PCNX2: variants seen among roughly 807,000 people sequenced by gnomAD.
The protein encoded by PCNX2 is pecanex-like protein 2.
PCNX2 carries 168 observed loss-of-function variants against 223.8 expected under a neutral mutation model. That is an observed-to-expected ratio of 0.75 (90% CI 0.66 to 0.85). The LOEUF (loss-of-function observed/expected upper bound fraction) is 0.85. PCNX2 is among the 40% of genes least tolerant of loss of function. The pLI is 0.00. For synonymous variants in PCNX2, 1,006 were observed against 1,052.6 expected, an observed-to-expected ratio of 0.96 and a Z score of 0.86; for missense variants, 2,507 against 2,675.5, an observed-to-expected ratio of 0.94 and a Z score of 1.39.
Position 233,295,611 on chromosome 1 carries a change from C to T in PCNX2, c.-133G>A. On this transcript the variant is annotated 5_prime_UTR_variant, in exon 1 of 34. Coordinates refer to ENST00000258229, the MANE Select transcript of PCNX2 (RefSeq NM_014801.4). The surrounding 1 kb of genome is among the most constrained non-coding windows in gnomAD (Gnocchi z 4.1). ...GCCGTCGCCGCCGCCGTCGCCCCCG[C>T]CGCCTCCTTCCACCCCACGTTTGAA... The T allele has an allele frequency of 1.0e-6, 1 of 969,720 alleles. No homozygotes were observed. Among genetic ancestry groups the T allele is most frequent in the South Asian group, 3.9e-5 (1 of 25,656 alleles). The allele number at this position is 969,720 out of a possible 1,614,324, so 60.1% of individuals were successfully genotyped here.
At chr1:233,124,609 T>C (rs945597578) in intron 21 of PCNX2, among the ~76,000 whole-genome samples, 3 of 152,216 alleles carry the variant, frequency 2.0e-5, no homozygotes, top group Admixed American at 2.0e-4. Flanking sequence ...ACACTAAGAT[T>C]AATGGCACCA....
intron 21 of PCNX2, among the ~76,000 whole-genome samples, chr1:233,118,880 A>G (rs1180991215): frequency 1.3e-5 from 2 of 152,238 alleles, no homozygotes; most frequent in East Asian, 3.8e-4. Flanking sequence ...TAGGAAATGC[A>G]AAGTTAACTA....
At chr1:232,994,346 T>C (rs1251358592) in intron 32 of PCNX2, among the ~76,000 whole-genome samples, 1 of 152,260 alleles carries the variant, frequency 6.6e-6, no homozygotes, top group African/African-American at 2.4e-5. Context: ...ACTGACCAGC[T>C]GGGTGTTGGA....
intron 25 of PCNX2, among the ~76,000 whole-genome samples, chr1:233,027,201 A>G (rs1194037524): frequency 2.0e-5 from 3 of 152,226 alleles, no homozygotes; most frequent in African/African-American, 4.8e-5. Flanking sequence ...AGGTCAAATT[A>G]CATGAAGAAT....
At chr1:233,202,201 C>T (rs1572067444) in intron 13 of PCNX2, 1 of 411,582 alleles carries the variant, frequency 2.4e-6, no homozygotes, top group South Asian at 1.9e-5. Context: ...TTATTTTGTC[C>T]TTTTTTTTTT....
chr1:233,308,526 C>T, the PCNX2 span, among the ~76,000 whole-genome samples: 22 of 150,850 alleles, frequency 1.5e-4, no homozygotes, highest in Admixed American at 9.9e-4. Flanking sequence ...GTAAGAAGCC[C>T]CAAAATATTT....
chr1:233,187,705 G>C (rs1166953251), intron 15 of PCNX2, among the ~76,000 whole-genome samples: 2 of 152,050 alleles, frequency 1.3e-5, no homozygotes, highest in African/African-American at 2.4e-5. Context: ...TAGGTTTGAG[G>C]GTCAATTCTA....
chr1:233,163,463 G>A (rs1412942709), intron 17 of PCNX2, among the ~76,000 whole-genome samples: 1 of 151,950 alleles, frequency 6.6e-6, no homozygotes, highest in African/African-American at 2.4e-5. Flanking sequence ...TCCAGCCTGG[G>A]TGACAGAGCG....
chr1:233,061,398 G>A (rs1490016660), intron 23 of PCNX2, among the ~76,000 whole-genome samples: 4 of 152,278 alleles, frequency 2.6e-5, no homozygotes, highest in African/African-American at 4.8e-5. Context: ...CTGTCACCAC[G>A]CAGCTCAGAA....
intron 21 of PCNX2, chr1:233,113,108 C>T: frequency 2.1e-6 from 2 of 932,920 alleles, no homozygotes; most frequent in Admixed American, 2.5e-5. Context: ...ACGCAGTGAG[C>T]TGGCCAGTTG....
At chr1:233,179,402 T>C (rs1679668073) in intron 15 of PCNX2, among the ~76,000 whole-genome samples, 1 of 152,196 alleles carries the variant, frequency 6.6e-6, no homozygotes, top group South Asian at 2.1e-4. Context: ...TATACATACT[T>C]ATAAGAATAA....
intron 19 of PCNX2, among the ~76,000 whole-genome samples, chr1:233,146,908 CA>C (rs1677485698): frequency 6.6e-6 from 1 of 152,164 alleles, no homozygotes; most frequent in Non-Finnish European, 1.5e-5. Context: ...TTACAGTCTA[CA>C]AGGATTTACC....
At chr1:233,152,753 G>C (rs1571978545) in intron 19 of PCNX2, among the ~76,000 whole-genome samples, 1 of 152,310 alleles carries the variant, frequency 6.6e-6, no homozygotes, top group South Asian at 2.1e-4. Flanking sequence ...ACCCACCTCA[G>C]CCTCCCAAGG....
intron 21 of PCNX2, among the ~76,000 whole-genome samples, chr1:233,106,477 C>T (rs528918748): frequency 6.6e-6 from 1 of 151,684 alleles, no homozygotes; most frequent in Admixed American, 6.6e-5. Context: ...CTCAGCCTCT[C>T]GAGTAGCTGT....
the PCNX2 span, among the ~76,000 whole-genome samples, chr1:233,321,267 T>C: frequency 4.9e-4 from 75 of 152,174 alleles, no homozygotes; most frequent in Non-Finnish European, 9.4e-4. Flanking sequence ...GAGATCAATG[T>C]ACAACTCAAA....
intron 12 of PCNX2, 48 bp downstream of exon 12, chr1:233,217,851 C>T: frequency 1.2e-6 from 2 of 1,611,122 alleles, no homozygotes; most frequent in Non-Finnish European, 1.7e-6. Context: ...TCCCTGTCTT[C>T]AACACAGACA....
At chr1:233,050,771 A>T (rs1449718031) in intron 25 of PCNX2, among the ~76,000 whole-genome samples, 4 of 152,182 alleles carry the variant, frequency 2.6e-5, no homozygotes, top group Admixed American at 2.6e-4. Flanking sequence ...CTTAGGAAAG[A>T]ATTTATGACT....
chr1:233,177,983 C>A, intron 16 of PCNX2, 85 bp from the exon 17 acceptor site: 3 of 970,172 alleles, frequency 3.1e-6, no homozygotes, highest in Non-Finnish European at 3.2e-6. Context: ...GATCTCACAC[C>A]CACACATGAC....
intron 9 of PCNX2, among the ~76,000 whole-genome samples, chr1:233,234,962 G>A (rs1370112655): frequency 2.6e-5 from 4 of 152,080 alleles, no homozygotes; most frequent in Middle Eastern, 3.4e-3. Context: ...AACACAGCTA[G>A]GGCAAATGGC....
Sources: gnomAD v4.1 joint callset for allele counts (sites outside exome capture counted in the v4.1 genomes callset) on GRCh38, gnomAD v4.1.1 for gene constraint, Gnocchi (gnomAD v3.1) non-coding constraint, MANE v1.5 for transcripts, NCBI Gene and HGNC (gene_info 2026-07-23, HGNC 2026-07-21) for gene names.